Variants in IQCM observed in about 807,000 individuals in gnomAD.
The protein encoded by IQCM is IQ motif containing M.
A neutral mutation model predicts 57.6 loss-of-function variants in IQCM; 45 were observed. That is an observed-to-expected ratio of 0.78 (90% CI 0.62 to 1.00). The LOEUF is 1.00. Among genes scored for constraint, IQCM ranks in the 50% least tolerant of loss-of-function variants. IQCM has a pLI of 0.00. For synonymous variants in IQCM, 148 were observed against 158.9 expected, an observed-to-expected ratio of 0.93 and a Z score of 0.51; for missense variants, 468 against 511.6, an observed-to-expected ratio of 0.91 and a Z score of 0.82.
At chr4:149,496,002 T>G (rs1347079019) in intron 12 of IQCM, among the ~76,000 whole-genome samples, 1 of 152,132 alleles carries the variant, frequency 6.6e-6, no homozygotes, top group Non-Finnish European at 1.5e-5. Flanking sequence ...CTGCATGAGA[T>G]TAAGCAAATG....
At chr4:149,512,259 T>C (rs996936366) in intron 12 of IQCM, among the ~76,000 whole-genome samples, 21 of 151,754 alleles carry the variant, frequency 1.4e-4, no homozygotes, top group Admixed American at 5.3e-4. Flanking sequence ...TTTATAGGGG[T>C]TGGGGGGGCA....
intron 5 of IQCM, among the ~76,000 whole-genome samples, chr4:149,701,344 T>G (rs1763754595): frequency 6.6e-6 from 1 of 152,040 alleles, no homozygotes; most frequent in South Asian, 2.1e-4. Flanking sequence ...TATAACCATT[T>G]AGTAACCTTG....
At chr4:149,382,606 T>C (rs776378241) in intron 13 of IQCM, among the ~76,000 whole-genome samples, 2 of 152,000 alleles carry the variant, frequency 1.3e-5, no homozygotes, top group Non-Finnish European at 2.9e-5. Context: ...CTGCAGAACT[T>C]AGATAAAAAG....
intron 7 of IQCM, among the ~76,000 whole-genome samples, chr4:149,658,966 T>C (rs1436142039): frequency 6.6e-6 from 1 of 152,100 alleles, no homozygotes; most frequent in African/African-American, 2.4e-5. Flanking sequence ...TGCATCTTGT[T>C]TCTTTCTCTT....
intron 8 of IQCM, among the ~76,000 whole-genome samples, chr4:149,592,044 T>C (rs1753236458): frequency 6.6e-6 from 1 of 152,148 alleles, no homozygotes; most frequent in Admixed American, 6.6e-5. Flanking sequence ...TCTTCCACAA[T>C]GGTTGAGTTA....
At chr4:149,402,546 GAGAC>G (rs1732691434) in intron 13 of IQCM, among the ~76,000 whole-genome samples, 1 of 151,742 alleles carries the variant, frequency 6.6e-6, no homozygotes, top group African/African-American at 2.4e-5. Flanking sequence ...ACAAAGGAAT[GAGAC>G]AGAATAAGAG....
intron 12 of IQCM, among the ~76,000 whole-genome samples, chr4:149,541,715 AT>A (rs1258755837): frequency 5.9e-5 from 9 of 152,056 alleles, no homozygotes; most frequent in African/African-American, 2.2e-4. Context: ...TTAGACAAAA[AT>A]CATGTCCTCA....
intron 13 of IQCM, among the ~76,000 whole-genome samples, chr4:149,360,802 C>T (rs1205737561): frequency 6.6e-6 from 1 of 152,112 alleles, no homozygotes; most frequent in African/African-American, 2.4e-5. Context: ...AGGGTGAAAA[C>T]AGACTAACAC....
intron 13 of IQCM, among the ~76,000 whole-genome samples, chr4:149,401,328 T>C (rs148912263): frequency 1.3e-5 from 2 of 151,974 alleles, no homozygotes; most frequent in East Asian, 3.9e-4. Context: ...TTCATATATA[T>C]TATTTAGAAT....
intron 2 of IQCM, among the ~76,000 whole-genome samples, chr4:149,783,307 T>C (rs573041445): frequency 2.6e-5 from 4 of 152,360 alleles, no homozygotes; most frequent in African/African-American, 9.6e-5. Context: ...TCTTGAATCT[T>C]CTATGTTGCT....
chr4:149,557,938 T>C (rs1192901438), intron 10 of IQCM, among the ~76,000 whole-genome samples: 1 of 152,328 alleles, frequency 6.6e-6, no homozygotes, highest in East Asian at 1.9e-4. Flanking sequence ...GTGCCTCAAT[T>C]TATCTACTGC....
At chr4:149,782,993 C>A (rs937715197) in intron 2 of IQCM, among the ~76,000 whole-genome samples, 5 of 152,154 alleles carry the variant, frequency 3.3e-5, no homozygotes, top group African/African-American at 1.2e-4. Flanking sequence ...GGCTTTGATT[C>A]TCTATTCCTA....
At chr4:149,790,233 C>T in intron 2 of IQCM, 1 of 286,146 alleles carries the variant, frequency 3.5e-6, no homozygotes, top group Middle Eastern at 8.6e-4. Flanking sequence ...AATAATGATG[C>T]ATCTGTGAAA....
chr4:149,377,654 G>A (rs1730787102), intron 13 of IQCM, among the ~76,000 whole-genome samples: 2 of 152,102 alleles, frequency 1.3e-5, no homozygotes, highest in Admixed American at 1.3e-4. Context: ...TGGGGAAAGG[G>A]ATCCTATGAT....
At chr4:149,620,457 A>G (rs1478872548) in intron 8 of IQCM, among the ~76,000 whole-genome samples, 11 of 152,244 alleles carry the variant, frequency 7.2e-5, no homozygotes, top group Admixed American at 7.2e-4. Flanking sequence ...CACACACAAC[A>G]GAACATGTGG....
At chr4:149,410,208 A>G (rs1338514866) in intron 13 of IQCM, among the ~76,000 whole-genome samples, 1 of 151,890 alleles carries the variant, frequency 6.6e-6, no homozygotes, top group Non-Finnish European at 1.5e-5. Flanking sequence ...CAAACAAACA[A>G]ACAAAAAACC....
chr4:149,591,661 T>C (rs1753190546), intron 8 of IQCM, among the ~76,000 whole-genome samples: 1 of 152,102 alleles, frequency 6.6e-6, no homozygotes, highest in South Asian at 2.1e-4. Context: ...GTCCAAGTGT[T>C]CTCATTGTTC....
intron 12 of IQCM, among the ~76,000 whole-genome samples, chr4:149,520,539 T>C (rs1390569281): frequency 6.6e-6 from 1 of 152,048 alleles, no homozygotes; most frequent in Non-Finnish European, 1.5e-5. Context: ...GTGCTGAGGA[T>C]GAAAAAGGGG....
chr4:149,520,577 G>A (rs1307486025), intron 12 of IQCM, among the ~76,000 whole-genome samples: 1 of 152,156 alleles, frequency 6.6e-6, no homozygotes, highest in Non-Finnish European at 1.5e-5. Flanking sequence ...GCTAAGAACA[G>A]TGAATAAAGT....
Sources: allele counts gnomAD v4.1 joint callset (sites outside exome capture counted in the v4.1 genomes callset), GRCh38; gene constraint gnomAD v4.1.1; transcripts MANE v1.5; gene names NCBI Gene and HGNC (gene_info 2026-07-23, HGNC 2026-07-21).